The following MLIP variants were observed in gnomAD, a reference collection of about 807,000 sequenced individuals.
MLIP encodes muscular LMNA interacting protein, also known as muscular LMNA-interacting protein.
A neutral mutation model predicts 84.8 loss-of-function variants in MLIP; 79 were observed. That is an observed-to-expected ratio of 0.93 (90% CI 0.78 to 1.12). MLIP has a LOEUF of 1.12. Ranked by LOEUF, MLIP falls within the 50% of genes most tolerant of loss-of-function variation. The pLI is 0.00. For missense variants in MLIP, 1,257 were observed against 1,160.6 expected, an observed-to-expected ratio of 1.08 and a Z score of -1.21; for synonymous variants, 504 against 463.0, an observed-to-expected ratio of 1.09 and a Z score of -1.14.
chr6:54,037,073 G>A (rs759096154), intron 1 of MLIP, among the ~76,000 whole-genome samples: 3 of 151,936 alleles, frequency 2.0e-5, no homozygotes, highest in Non-Finnish European at 4.4e-5. Context: ...TCCACACATG[G>A]GACTATGACT....
chr6:54,183,753 T>TTG (rs1361656554), intron 9 of MLIP, among the ~76,000 whole-genome samples: 5 of 148,732 alleles, frequency 3.4e-5, no homozygotes, highest in Admixed American at 6.7e-5. Context: ...GTTTTTTTTT[T>TTG]TTTTTTTTTT....
intron 11 of MLIP, among the ~76,000 whole-genome samples, chr6:54,206,127 A>G (rs999994662): frequency 6.6e-6 from 1 of 152,194 alleles, no homozygotes; most frequent in African/African-American, 2.4e-5. Flanking sequence ...GTTTATTCTG[A>G]CTATTTATGA....
rs1406499822 is a variant in MLIP, at chr6:54,064,958, TACA to T, written c.63+45876_63+45878del. Among the ~76,000 whole-genome samples, 2 of 99,512 alleles carry T rather than the reference TACA, an allele frequency of 2.0e-5. 1 individual carries two copies. Among genetic ancestry groups the T allele is most frequent in the Non-Finnish European group, 5.8e-5 (2 of 34,750 alleles). 65.3% of individuals were successfully genotyped at this position (99,512 alleles called of 152,430 possible). A position where few individuals can be genotyped will look rare whatever the true frequency, so the allele number is the denominator to read the frequency against. On this transcript the variant is annotated intron_variant, in intron 1 of 12. Coordinates refer to the MLIP transcript ENST00000274897. ...CTGGTTTAAGAGTAACCTACCAACA[TACA>T]ACAACAACCACAGAAAACACAAACT...
intron 4 of MLIP, among the ~76,000 whole-genome samples, chr6:54,142,482 G>A (rs1490315840): frequency 6.6e-6 from 1 of 152,156 alleles, no homozygotes; most frequent in Non-Finnish European, 1.5e-5. Flanking sequence ...AGTATAGTGA[G>A]GAAGATGCTC....
chr6:54,184,517 G>A (rs771929709), intron 9 of MLIP, among the ~76,000 whole-genome samples: 2 of 152,148 alleles, frequency 1.3e-5, no homozygotes, highest in Non-Finnish European at 2.9e-5. Context: ...GAGCTTGGCT[G>A]TTCTTTGTTT....
At chr6:54,102,721 A>G (rs1285485734) in intron 1 of MLIP, among the ~76,000 whole-genome samples, 4 of 152,162 alleles carry the variant, frequency 2.6e-5, no homozygotes, top group Non-Finnish European at 4.4e-5. Flanking sequence ...AGAAATGTGT[A>G]TTGACCTCCT....
At chr6:54,082,973 G>C (rs1489797249) in intron 1 of MLIP, among the ~76,000 whole-genome samples, 1 of 152,012 alleles carries the variant, frequency 6.6e-6, no homozygotes, top group East Asian at 1.9e-4. Context: ...GTAATGTTTT[G>C]TATTTGTCTA....
At chr6:54,239,410 T>G (rs1781582039) in intron 12 of MLIP, among the ~76,000 whole-genome samples, 1 of 148,490 alleles carries the variant, frequency 6.7e-6, no homozygotes, top group Non-Finnish European at 1.5e-5. Flanking sequence ...CACATACACA[T>G]ATATGAATAG....
At position 54,160,741 on chromosome 6, in the gene MLIP, A is replaced by G. The variant is rs78446650; in HGVS notation, c.2441A>G (p.His814Arg). The change falls in exon 8 of 14, where the codon CAT (histidine) becomes CGT (arginine). Residue 814 changes from histidine (H) to arginine (R), a missense_variant and splice_region_variant. By Grantham distance (29) the His-to-Arg change is conservative. Transcript: ENST00000502396. Reference sequence around the variant, plus strand: ...TTCCTTCCTTTCTTTTTTTTTCAGCATTCTTCTGATTCTCCTTCAAGGTCC... The same window carrying G: ...TTCCTTCCTTTCTTTTTTTTTCAGCGTTCTTCTGATTCTCCTTCAAGGTCC... ...DKVLQDSLSM[H>R]SSDSPSRSPK... 3,136 of 1,574,010 alleles carry G rather than the reference A, an allele frequency of 2.0e-3. 61 individuals carry two copies. The Admixed American group carries it at 0.039, about 20-fold the overall frequency.
chr6:54,229,832 A>G (rs1780856279), intron 11 of MLIP, among the ~76,000 whole-genome samples: 1 of 152,142 alleles, frequency 6.6e-6, no homozygotes, highest in Admixed American at 6.5e-5. Flanking sequence ...AATAATAAGT[A>G]TGCATGTGCT....
chr6:54,080,100 C>G (rs1424805713), intron 1 of MLIP, among the ~76,000 whole-genome samples: 1 of 152,128 alleles, frequency 6.6e-6, no homozygotes, highest in East Asian at 1.9e-4. Context: ...CTGTAATTTA[C>G]CAAACCTAAT....
At chr6:54,060,433 C>G (rs1765901184) in intron 1 of MLIP, among the ~76,000 whole-genome samples, 1 of 152,270 alleles carries the variant, frequency 6.6e-6, no homozygotes, top group South Asian at 2.1e-4. Context: ...TAAATGTCTT[C>G]AAGGGGCTAG....
intron 1 of MLIP, among the ~76,000 whole-genome samples, chr6:54,116,893 C>G (rs1185074075): frequency 6.6e-6 from 1 of 152,104 alleles, no homozygotes; most frequent in Non-Finnish European, 1.5e-5. Context: ...AGATTATTTA[C>G]CAAGATCAAG....
chr6:54,162,035 C>T (rs555392333), intron 8 of MLIP, among the ~76,000 whole-genome samples: 183 of 151,946 alleles, frequency 1.2e-3, no homozygotes, highest in Admixed American at 2.2e-3. Context: ...TTAAGGCTTA[C>T]GGTGTTAAAA....
At chr6:54,090,116 C>T (rs193037256) in intron 1 of MLIP, among the ~76,000 whole-genome samples, 6 of 152,004 alleles carry the variant, frequency 3.9e-5, no homozygotes, top group Non-Finnish European at 8.8e-5. Context: ...CTTTCTTATG[C>T]TTTTGGATAT....
At chr6:54,193,505 C>A (rs1202970811) in intron 10 of MLIP, among the ~76,000 whole-genome samples, 1 of 152,046 alleles carries the variant, frequency 6.6e-6, no homozygotes, top group Non-Finnish European at 1.5e-5. Context: ...AGTGTTCATC[C>A]TTGCTTTATG....
intron 11 of MLIP, chr6:54,217,983 T>A: frequency 1.0e-6 from 1 of 985,390 alleles, no homozygotes. Flanking sequence ...AGAGATGCCA[T>A]TAGTGTGTTT....
At chr6:54,083,419 G>A in intron 1 of MLIP, 1 of 1,471,394 alleles carries the variant, frequency 6.8e-7, no homozygotes, top group Non-Finnish European at 9.0e-7. Context: ...CAGGGAGGAA[G>A]GAGGGCATAA....
intron 3 of MLIP, among the ~76,000 whole-genome samples, chr6:54,125,586 AT>A (rs1770856284): frequency 6.6e-6 from 1 of 152,180 alleles, no homozygotes; most frequent in African/African-American, 2.4e-5. Context: ...AAATAGAATA[AT>A]TTGCCATTGA....
Sources: gnomAD v4.1 joint callset for allele counts (sites outside exome capture counted in the v4.1 genomes callset) on GRCh38, gnomAD v4.1.1 for gene constraint, MANE v1.5 for transcripts, NCBI Gene and HGNC (gene_info 2026-07-23, HGNC 2026-07-21) for gene names.